Variants in NKAIN2 observed in about 807,000 individuals in gnomAD.
The protein encoded by NKAIN2 is sodium/potassium transporting ATPase interacting 2.
NKAIN2 carries 14 observed loss-of-function variants against 32.6 expected under a neutral mutation model. That is an observed-to-expected ratio of 0.43 (90% confidence interval 0.28 to 0.67). NKAIN2 has a LOEUF of 0.67. Among genes scored for constraint, NKAIN2 ranks in the 30% least tolerant of loss-of-function variants. The probability of loss-of-function intolerance (pLI) is 0.17; values close to 1 mark genes in which losing one functional copy is unlikely to be tolerated. For synonymous variants in NKAIN2, 80 were observed against 87.2 expected, an observed-to-expected ratio of 0.92 and a Z score of 0.46; for missense variants, 198 against 258.3, an observed-to-expected ratio of 0.77 and a Z score of 1.60.
At chr6:124,262,784 C>G (rs1171527396) in intron 1 of NKAIN2, among the ~76,000 whole-genome samples, 1 of 152,028 alleles carries the variant, frequency 6.6e-6, no homozygotes, top group Non-Finnish European at 1.5e-5. Context: ...AACTGGAAAA[C>G]CAGTTAGGTT....
At chr6:123,824,547 T>C (rs1348354462) in intron 1 of NKAIN2, among the ~76,000 whole-genome samples, 1 of 151,982 alleles carries the variant, frequency 6.6e-6, no homozygotes, top group Non-Finnish European at 1.5e-5. Context: ...GGCCTTATTA[T>C]AGAAAGTTGG....
intron 1 of NKAIN2, among the ~76,000 whole-genome samples, chr6:124,257,969 C>T (rs1416426359): frequency 4.6e-5 from 7 of 151,538 alleles, no homozygotes; most frequent in Non-Finnish European, 7.4e-5. Context: ...TTAGTAGAGA[C>T]GGGGTTTCAC....
chr6:123,922,238 T>C (rs913342199), intron 1 of NKAIN2, among the ~76,000 whole-genome samples: 1 of 152,228 alleles, frequency 6.6e-6, no homozygotes, highest in Non-Finnish European at 1.5e-5. Flanking sequence ...CTATTGAGCA[T>C]TATTTTATTT....
chr6:124,619,518 GA>G (rs952456258), intron 3 of NKAIN2, among the ~76,000 whole-genome samples: 3 of 151,996 alleles, frequency 2.0e-5, no homozygotes, highest in East Asian at 1.9e-4. Flanking sequence ...TTCACTTGAA[GA>G]AAAAACAAAA....
At chr6:124,221,227 TA>T (rs1283026126) in intron 1 of NKAIN2, among the ~76,000 whole-genome samples, 2 of 151,618 alleles carry the variant, frequency 1.3e-5, no homozygotes, top group African/African-American at 4.8e-5. Context: ...TATGCAGCCA[TA>T]AAAAAGGATG....
At chr6:124,314,099 G>GC (rs1796837658) in intron 2 of NKAIN2, among the ~76,000 whole-genome samples, 2 of 152,174 alleles carry the variant, frequency 1.3e-5, no homozygotes, top group East Asian at 1.9e-4. Context: ...AATTTAGGGA[G>GC]CACGGGTGGA....
intron 3 of NKAIN2, among the ~76,000 whole-genome samples, chr6:124,485,144 C>T (rs112130757): frequency 2.0e-5 from 3 of 152,098 alleles, no homozygotes; most frequent in Admixed American, 6.6e-5. Flanking sequence ...TTTCCTACAT[C>T]GGTAATCCTC....
At chr6:124,285,838 G>A (rs185235650) in intron 2 of NKAIN2, among the ~76,000 whole-genome samples, 20 of 152,242 alleles carry the variant, frequency 1.3e-4, no homozygotes, top group Non-Finnish European at 2.4e-4. Flanking sequence ...TATGTTTTAT[G>A]TGTTATATGC....
At chr6:124,412,931 T>C (rs620016) in intron 3 of NKAIN2, among the ~76,000 whole-genome samples, 24,530 of 152,150 alleles carry the variant, frequency 0.16, 2,280 homozygotes, top group East Asian at 0.24. Context: ...GACTGTTGTG[T>C]TAGCAATGAG....
chr6:124,066,673 T>G (rs1033560182), intron 1 of NKAIN2, among the ~76,000 whole-genome samples: 35 of 152,140 alleles, frequency 2.3e-4, no homozygotes, highest in African/African-American at 8.4e-4. Flanking sequence ...AAAATAAAAT[T>G]ATAACATATG....
At chr6:124,358,413 A>T (rs111401693) in intron 3 of NKAIN2, among the ~76,000 whole-genome samples, 34,452 of 151,076 alleles carry the variant, frequency 0.23, 4,016 homozygotes, top group Admixed American at 0.3. Flanking sequence ...GTGTTCCTAT[A>T]TCTCCACATC....
At position 124,690,003 on chromosome 6, in the gene NKAIN2, T is replaced by C. The variant is rs531929344; in HGVS notation, c.474+31617T>C. Among the ~76,000 whole-genome samples the C allele has an allele frequency of 2.0e-5, 3 of 152,288 alleles. No homozygotes were observed. The East Asian group carries it at 5.8e-4, about 29-fold the overall frequency. ...ACATTCACAAAATAATGTGCTGGCA[T>C]TTCTATTTGAATTGCATTGAATTCA... is the stretch of plus-strand genomic sequence containing the variant. On this transcript the variant is annotated intron_variant, in intron 4 of 6. Transcript: ENST00000368417.
intron 1 of NKAIN2, among the ~76,000 whole-genome samples, chr6:124,136,976 C>A (rs1786830051): frequency 6.6e-6 from 1 of 152,074 alleles, no homozygotes; most frequent in Admixed American, 6.5e-5. Flanking sequence ...ACTTTCAGCA[C>A]TTCTATTCAA....
chr6:124,518,770 A>G (rs924658781), intron 3 of NKAIN2, among the ~76,000 whole-genome samples: 2 of 152,224 alleles, frequency 1.3e-5, no homozygotes, highest in African/African-American at 2.4e-5. Context: ...AGTGTTCTGC[A>G]TATGTACTTC....
chr6:124,054,151 T>A (rs1402747387), intron 1 of NKAIN2, among the ~76,000 whole-genome samples: 1 of 152,014 alleles, frequency 6.6e-6, no homozygotes, highest in Non-Finnish European at 1.5e-5. Context: ...GGTGGGGAGA[T>A]AAGTTTCAGT....
chr6:123,836,339 A>G (rs1774619894), intron 1 of NKAIN2, among the ~76,000 whole-genome samples: 1 of 152,154 alleles, frequency 6.6e-6, no homozygotes, highest in Admixed American at 6.5e-5. Flanking sequence ...AACCTTAACC[A>G]AATGACAAAG....
At chr6:124,796,464 C>A (rs1780002925) in intron 5 of NKAIN2, among the ~76,000 whole-genome samples, 1 of 152,188 alleles carries the variant, frequency 6.6e-6, no homozygotes, top group Non-Finnish European at 1.5e-5. Context: ...CGCACACACA[C>A]TCCACGTGTG....
intron 3 of NKAIN2, among the ~76,000 whole-genome samples, chr6:124,467,665 C>T (rs563490155): frequency 6.6e-6 from 1 of 152,124 alleles, no homozygotes; most frequent in East Asian, 1.9e-4. Context: ...ATTTAGATAG[C>T]CAATCTTATC....
chr6:124,567,290 A>T (rs1320194342), intron 3 of NKAIN2, among the ~76,000 whole-genome samples: 1 of 152,178 alleles, frequency 6.6e-6, no homozygotes, highest in Non-Finnish European at 1.5e-5. Flanking sequence ...TAAATTCATG[A>T]TCACCAATAA....
Sources: allele counts gnomAD v4.1 joint callset (sites outside exome capture counted in the v4.1 genomes callset), GRCh38; gene constraint gnomAD v4.1.1; transcripts MANE v1.5; gene names NCBI Gene and HGNC (gene_info 2026-07-23, HGNC 2026-07-21).